MDN1: variants seen among roughly 807,000 people sequenced by gnomAD.
MDN1 encodes midasin.
A neutral mutation model predicts 669.2 loss-of-function variants in MDN1; 266 were observed. That is an observed-to-expected ratio of 0.40 (90% CI 0.36 to 0.44). The LOEUF (loss-of-function observed/expected upper bound fraction) is 0.44. Among genes scored for constraint, MDN1 ranks in the 20% least tolerant of loss-of-function variants. MDN1 has a pLI of 1.00. For synonymous variants in MDN1, 2,385 were observed against 2,457.1 expected (o/e 0.97, Z 0.87); for missense variants, 5,940 against 6,754.0 (o/e 0.88, Z 4.22).
chr6:89,804,652 C>T (rs1767893262), intron 1 of MDN1, among the ~76,000 whole-genome samples: 1 of 152,066 alleles, frequency 6.6e-6, no homozygotes, highest in Non-Finnish European at 1.5e-5. Context: ...CCCTATCAAG[C>T]TGATCAAGGC....
intron 100 of MDN1, among the ~76,000 whole-genome samples, chr6:89,646,105 G>A (rs193022742): frequency 6.6e-6 from 1 of 152,170 alleles, no homozygotes. Context: ...TACATGAAAA[G>A]TTGGCCCTCC....
chr6:89,728,007 T>A (rs757321940), intron 36 of MDN1, 52 bp from the exon 37 acceptor site: 7 of 1,554,462 alleles, frequency 4.5e-6, no homozygotes, highest in Non-Finnish European at 6.1e-6. Flanking sequence ...AAAAATCAAC[T>A]GGATTCTAAC....
At chr6:89,749,135 C>G in intron 26 of MDN1, 88 bp downstream of exon 26, 1 of 1,267,778 alleles carries the variant, frequency 7.9e-7, no homozygotes, top group Non-Finnish European at 1.1e-6. Context: ...AAAAATACAT[C>G]AACAGACAGA....
intron 97 of MDN1, 77 bp from the exon 98 acceptor site, chr6:89,648,406 A>G: frequency 1.5e-6 from 2 of 1,351,044 alleles, no homozygotes; most frequent in Admixed American, 1.8e-5. Context: ...TTTTTGCATC[A>G]AGATTCCCAA....
chr6:89,644,113 G>C lies in MDN1; in HGVS notation c.16683C>G (p.Phe5561Leu), dbSNP rs142727625. The C allele has an allele frequency of 6.2e-7, 1 of 1,613,790 alleles. No homozygotes were observed. Among genetic ancestry groups the C allele is most frequent in the African/African-American group, 1.3e-5 (1 of 74,868 alleles). Residue 5561 changes from phenylalanine to leucine, a missense_variant, in exon 102 of 102, where the codon TTC becomes TTG. Phe to Leu is a conservative substitution (Grantham distance 22). Around this residue, in one of 5 missense-constraint regions of MDN1, gnomAD observed 2,280 missense variants for 2,576.3 expected, o/e 0.88. Transcript: ENST00000369393. Reference sequence around the variant, plus strand: ...GAAGAATGATATAGTATGGGAATGGGAACTCTTCCATGTAGGATCGGATTT... The same window carrying C: ...GAAGAATGATATAGTATGGGAATGGCAACTCTTCCATGTAGGATCGGATTT... ...MPEIRSYMEEFPFPYYIILRD... is the reference protein window; with the variant it reads ...MPEIRSYMEELPFPYYIILRD...
At chr6:89,672,069 G>A in intron 82 of MDN1, 131 bp downstream of exon 82, 1 of 900,752 alleles carries the variant, frequency 1.1e-6, no homozygotes. Context: ...TAAATAAAGA[G>A]ACCAAGTTCT....
intron 9 of MDN1, 124 bp from the exon 10 acceptor site, chr6:89,781,716 G>A: frequency 1.3e-6 from 1 of 763,776 alleles, no homozygotes; most frequent in Non-Finnish European, 2.1e-6. Context: ...TTCACTGGGG[G>A]ACGGTAGCTC....
chr6:89,707,583 C>T (rs1312895226), intron 51 of MDN1, 107 bp from the exon 52 acceptor site: 7 of 716,312 alleles, frequency 9.8e-6, no homozygotes, highest in East Asian at 2.7e-5. Context: ...CTTCATCCTG[C>T]CATTCCTCTC....
intron 15 of MDN1, among the ~76,000 whole-genome samples, chr6:89,770,390 G>A (rs1818022683): frequency 7.0e-6 from 1 of 143,082 alleles, no homozygotes; most frequent in Admixed American, 7.2e-5. Flanking sequence ...GACAGAGCAA[G>A]ACTCTGTCTC....
At chr6:89,702,486 A>T (rs189819677) in intron 53 of MDN1, among the ~76,000 whole-genome samples, 39 of 152,334 alleles carry the variant, frequency 2.6e-4, no homozygotes, top group Admixed American at 8.5e-4. Context: ...TTTAATTTTA[A>T]TTCTATTCTG....
chr6:89,718,747 T>C lies in MDN1; in HGVS notation c.6321+20A>G, dbSNP rs1258171275. 6.2e-7 allele frequency: 1 copy of C among 1,611,798 alleles called. No individual in the cohort carries two copies. Among genetic ancestry groups the C allele is most frequent in the Admixed American group, 1.7e-5 (1 of 60,002 alleles). On this transcript the variant is annotated intron_variant, in intron 42 of 101. Transcript: ENST00000369393. Reference sequence around the variant, plus strand: ...GGGTTTATTATGCTTTGCCAGAAAATATGAAGGCAGACTGGTTACCTGCTC... The same window carrying C: ...GGGTTTATTATGCTTTGCCAGAAAACATGAAGGCAGACTGGTTACCTGCTC...
At chr6:89,737,055 C>A (rs1816019506) in intron 33 of MDN1, among the ~76,000 whole-genome samples, 2 of 152,182 alleles carry the variant, frequency 1.3e-5, no homozygotes, top group Admixed American at 1.3e-4. Flanking sequence ...CAACTAACTA[C>A]AGGCTTAGTC....
At chr6:89,671,959 T>A (rs1008099235) in intron 82 of MDN1, among the ~76,000 whole-genome samples, 7 of 152,244 alleles carry the variant, frequency 4.6e-5, no homozygotes, top group Non-Finnish European at 5.9e-5. Flanking sequence ...AATCCTAATA[T>A]AATGGATATT....
chr6:89,765,512 C>T (rs56224741), intron 15 of MDN1, among the ~76,000 whole-genome samples: 15,202 of 152,224 alleles, frequency 0.1, 981 homozygotes, highest in South Asian at 0.16. Context: ...TAAAGTCTCA[C>T]TATGTTGCCC....
In MDN1 at chr6:89,662,050, G is replaced by T. The variant is rs769221525; in HGVS notation, c.14565+37C>A. On this transcript the variant is annotated intron_variant, in intron 87 of 101. Coordinates refer to ENST00000369393, the MANE Select transcript of MDN1 (RefSeq NM_014611.3). ...TATACAGCTCAAGAGCTCTGGCCTT[G>T]AGTCAAGAGAGCGGATCAGTTTCAA... 2.5e-6 allele frequency: 4 copies of T among 1,588,808 alleles called. No homozygotes were observed. The South Asian group carries it at 4.7e-5, about 19-fold the overall frequency.
At chr6:89,710,245 G>A (rs1813800044) in intron 50 of MDN1, among the ~76,000 whole-genome samples, 1 of 152,150 alleles carries the variant, frequency 6.6e-6, no homozygotes, top group African/African-American at 2.4e-5. Context: ...GGCAGAGACA[G>A]TGAATGATGA....
intron 85 of MDN1, among the ~76,000 whole-genome samples, chr6:89,663,672 C>T (rs1342315855): frequency 6.6e-6 from 1 of 151,942 alleles, no homozygotes; most frequent in African/African-American, 2.4e-5. Flanking sequence ...CGGTGGCTCA[C>T]GCCTGTAATC....
chr6:89,670,681 A>G (rs1810688833), intron 83 of MDN1, among the ~76,000 whole-genome samples: 1 of 151,310 alleles, frequency 6.6e-6, no homozygotes, highest in Non-Finnish European at 1.5e-5. Flanking sequence ...GGAACTCGTC[A>G]GTTTGGGGGA....
intron 59 of MDN1, among the ~76,000 whole-genome samples, chr6:89,698,599 A>G (rs892009544): frequency 1.3e-5 from 2 of 152,204 alleles, no homozygotes; most frequent in African/African-American, 4.8e-5. Context: ...CACTGTTTAA[A>G]TGTTTTATAG....
Sources: gnomAD v4.1 joint callset for allele counts (sites outside exome capture counted in the v4.1 genomes callset) on GRCh38, gnomAD v4.1.1 for gene constraint, gnomAD v4.1.1 regional missense constraint, MANE v1.5 for transcripts, NCBI Gene and HGNC (gene_info 2026-07-23, HGNC 2026-07-21) for gene names.